Variants in ARHGAP10 observed in about 807,000 individuals in gnomAD.
ARHGAP10 encodes Rho GTPase activating protein 10, also known as rho GTPase-activating protein 10.
Under a neutral mutation model 108.6 loss-of-function variants are expected in ARHGAP10, and 87 were observed. The ratio of observed to expected loss-of-function variants is 0.80; its 90% CI spans 0.67 to 0.96. ARHGAP10 has a LOEUF of 0.96. Ranked by LOEUF, ARHGAP10 falls within the 40% of genes least tolerant of loss-of-function variation. ARHGAP10 has a pLI of 0.00. For missense variants in ARHGAP10, 939 were observed against 954.5 expected (o/e 0.98, Z 0.21); for synonymous variants, 347 against 341.1 (o/e 1.02, Z -0.19).
chr4:147,749,253 TCTATGC>T (rs1729049690), intron 1 of ARHGAP10, among the ~76,000 whole-genome samples: 1 of 152,200 alleles, frequency 6.6e-6, no homozygotes, highest in Non-Finnish European at 1.5e-5. Context: ...CAGTGAGGTA[TCTATGC>T]CTTATAATAG....
chr4:147,900,683 C>A (rs922328378), intron 10 of ARHGAP10, among the ~76,000 whole-genome samples: 4 of 152,128 alleles, frequency 2.6e-5, no homozygotes, highest in African/African-American at 9.7e-5. Flanking sequence ...CTCCAAGAAC[C>A]CCCAGTCGGA....
At chr4:147,774,805 G>T (rs964170) in intron 1 of ARHGAP10, among the ~76,000 whole-genome samples, 113,975 of 152,114 alleles carry the variant, frequency 0.75, 48,710 homozygotes, top group Non-Finnish European at 0.94. Context: ...AGAACATTTT[G>T]TCATTGACAG....
intron 19 of ARHGAP10, among the ~76,000 whole-genome samples, chr4:148,040,816 G>T (rs1157291863): frequency 6.6e-6 from 1 of 151,928 alleles, no homozygotes. Context: ...AAAAGATTTG[G>T]GGGGGGTTAT....
chr4:147,777,297 C>T (rs1244779617), intron 1 of ARHGAP10, among the ~76,000 whole-genome samples: 3 of 149,594 alleles, frequency 2.0e-5, no homozygotes, highest in East Asian at 4.0e-4. Context: ...CTCACTCTGT[C>T]ACCCAGGCTG....
intron 18 of ARHGAP10, among the ~76,000 whole-genome samples, chr4:148,016,668 C>T (rs1022584875): frequency 2.6e-5 from 4 of 152,130 alleles, no homozygotes; most frequent in African/African-American, 9.7e-5. Context: ...GGTGTCCTCC[C>T]ATTCAGTTCC....
chr4:147,792,846 G>A (rs1472036589), intron 1 of ARHGAP10, among the ~76,000 whole-genome samples: 1 of 152,106 alleles, frequency 6.6e-6, no homozygotes, highest in Non-Finnish European at 1.5e-5. Flanking sequence ...GGTTGAAGGT[G>A]TATTAAAAAT....
intron 19 of ARHGAP10, among the ~76,000 whole-genome samples, chr4:148,036,914 G>A (rs1473431912): frequency 6.6e-6 from 1 of 152,188 alleles, no homozygotes; most frequent in Non-Finnish European, 1.5e-5. Context: ...GTCCAGCCAA[G>A]CATCTGGGTA....
intron 1 of ARHGAP10, among the ~76,000 whole-genome samples, chr4:147,788,140 T>C (rs1730969627): frequency 6.6e-6 from 1 of 152,140 alleles, no homozygotes; most frequent in Non-Finnish European, 1.5e-5. Context: ...ATTTGATTTT[T>C]TTTTTTTAAA....
chr4:148,047,726 A>G (rs1728950220), intron 20 of ARHGAP10, among the ~76,000 whole-genome samples: 1 of 152,274 alleles, frequency 6.6e-6, no homozygotes, highest in Admixed American at 6.5e-5. Context: ...ACAAGTGCTC[A>G]GAGAAGAGAA....
intron 7 of ARHGAP10, among the ~76,000 whole-genome samples, chr4:147,873,612 G>T (rs1410786188): frequency 1.3e-5 from 2 of 151,342 alleles, no homozygotes; most frequent in African/African-American, 4.9e-5. Context: ...GATTGCTTGA[G>T]CCCAGGAGTT....
chr4:147,768,149 C>T (rs1340390171), intron 1 of ARHGAP10, among the ~76,000 whole-genome samples: 6 of 152,138 alleles, frequency 3.9e-5, no homozygotes, highest in African/African-American at 7.2e-5. Context: ...GGCTCCTGAC[C>T]TTGAGAAGCT....
intron 22 of ARHGAP10, chr4:148,065,611 A>G (rs1729830077): frequency 6.6e-6 from 1 of 152,190 alleles, no homozygotes; most frequent in African/African-American, 2.4e-5. Context: ...GCCCTGCCCC[A>G]GGCCTGTCTC....
intron 19 of ARHGAP10, among the ~76,000 whole-genome samples, chr4:148,040,828 T>C (rs2149676153): frequency 6.6e-6 from 1 of 152,290 alleles, no homozygotes; most frequent in East Asian, 1.9e-4. Context: ...GGGGGTTATT[T>C]GGTGTATGTG....
chr4:148,070,542 A>G (rs1730125360), intron 22 of ARHGAP10, among the ~76,000 whole-genome samples: 1 of 152,246 alleles, frequency 6.6e-6, no homozygotes, highest in Non-Finnish European at 1.5e-5. Context: ...TTAGAGGACC[A>G]TGAACTCAAT....
At chr4:147,864,682 A>G (rs918808543) in intron 5 of ARHGAP10, 164 bp from the exon 6 acceptor site, 4 of 566,410 alleles carry the variant, frequency 7.1e-6, no homozygotes, top group Non-Finnish European at 1.2e-5. Context: ...AAGTAGCTGC[A>G]GACAATACAT....
At chr4:147,874,533 C>T (rs1383281434) in intron 7 of ARHGAP10, among the ~76,000 whole-genome samples, 1 of 152,092 alleles carries the variant, frequency 6.6e-6, no homozygotes, top group Non-Finnish European at 1.5e-5. Context: ...AAAACTGACA[C>T]TTGTATTTAT....
chr4:147,743,702 G>A (rs1728789909), intron 1 of ARHGAP10, among the ~76,000 whole-genome samples: 2 of 152,168 alleles, frequency 1.3e-5, no homozygotes, highest in East Asian at 1.9e-4. Context: ...GCTTGAATCC[G>A]GGAGGCAGAG....
At chr4:148,009,738 T>G (rs1741098417) in intron 18 of ARHGAP10, among the ~76,000 whole-genome samples, 1 of 152,176 alleles carries the variant, frequency 6.6e-6, no homozygotes, top group Admixed American at 6.5e-5. Context: ...CTCCATCTAG[T>G]CAGATGGACT....
intron 16 of ARHGAP10, among the ~76,000 whole-genome samples, chr4:147,964,154 C>T (rs1396573743): frequency 6.6e-6 from 1 of 152,180 alleles, no homozygotes; most frequent in Admixed American, 6.5e-5. Flanking sequence ...CAATCCAAAG[C>T]CCCGTGACCC....
Sources: allele counts gnomAD v4.1 joint callset (sites outside exome capture counted in the v4.1 genomes callset), GRCh38; gene constraint gnomAD v4.1.1; transcripts MANE v1.5; gene names NCBI Gene and HGNC (gene_info 2026-07-23, HGNC 2026-07-21).